Variants in GABRB1 observed in about 807,000 individuals in gnomAD.
GABRB1 encodes the protein gamma-aminobutyric acid receptor subunit beta-1.
Under a neutral mutation model 51.6 loss-of-function variants are expected in GABRB1, and 17 were observed. That is an observed-to-expected ratio of 0.33 (90% CI 0.23 to 0.49). GABRB1 has a LOEUF of 0.49. Among genes scored for constraint, GABRB1 ranks in the 20% least tolerant of loss-of-function variants. The probability of loss-of-function intolerance (pLI) is 0.99; values close to 1 mark genes in which losing one functional copy is unlikely to be tolerated. For synonymous variants in GABRB1, 247 were observed against 218.9 expected (o/e 1.13, Z -1.14); for missense variants, 410 against 600.6 (o/e 0.68, Z 3.32).
intron 5 of GABRB1, among the ~76,000 whole-genome samples, chr4:47,322,634 G>T (rs1188770886): frequency 5.9e-5 from 9 of 152,116 alleles, no homozygotes; most frequent in Admixed American, 5.9e-4. Context: ...CTTCATCATG[G>T]AATCCTGAAT....
intron 5 of GABRB1, among the ~76,000 whole-genome samples, chr4:47,333,253 A>G (rs947894448): frequency 2.8e-5 from 4 of 143,912 alleles, no homozygotes; most frequent in Non-Finnish European, 4.5e-5. Flanking sequence ...ACGTATTAAT[A>G]TGAATGTGAC....
chr4:47,278,620 T>TC (rs1723168028), intron 4 of GABRB1, among the ~76,000 whole-genome samples: 1 of 151,838 alleles, frequency 6.6e-6, no homozygotes, highest in South Asian at 2.1e-4. Flanking sequence ...CCTAGGTTTT[T>TC]GCCTTTTGCC....
chr4:47,370,624 G>T (rs924188586), intron 5 of GABRB1, among the ~76,000 whole-genome samples: 1 of 152,182 alleles, frequency 6.6e-6, no homozygotes, highest in South Asian at 2.1e-4. Context: ...TGGCCTTAGG[G>T]TTTCTGTGTA....
At chr4:47,224,879 T>C (rs1487962490) in intron 4 of GABRB1, among the ~76,000 whole-genome samples, 1 of 152,160 alleles carries the variant, frequency 6.6e-6, no homozygotes, top group Non-Finnish European at 1.5e-5. Context: ...TTGTCTTTTG[T>C]TGCTGTTGCT....
chr4:47,118,414 C>A (rs966463270), intron 3 of GABRB1, among the ~76,000 whole-genome samples: 1 of 152,098 alleles, frequency 6.6e-6, no homozygotes, highest in Non-Finnish European at 1.5e-5. Flanking sequence ...TAAGTGACTT[C>A]ACACCTTTTC....
In GABRB1 at chr4:47,372,570, AC is replaced by A. The variant is rs149710085; in HGVS notation, c.545-30746del. 5.4e-3 allele frequency among the ~76,000 whole-genome samples: 827 copies of A among 152,266 alleles called. 7 individuals carry two copies. The highest frequency in any genetic ancestry group is 0.012 in the African/African-American group (502 of 41,548). On this transcript the variant is annotated intron_variant, in intron 5 of 8. Coordinates refer to ENST00000295454, the MANE Select transcript of GABRB1 (RefSeq NM_000812.4). ...TTAAAATTTCAATCTCTTCCCATCC[AC>A]CACTCCTCCTCACCTTATAGCTGAA...
At chr4:47,301,063 CAGAAACAAAAAA>C (rs1270586798) in intron 4 of GABRB1, among the ~76,000 whole-genome samples, 6 of 151,704 alleles carry the variant, frequency 4.0e-5, no homozygotes, top group Non-Finnish European at 7.4e-5. Context: ...ATAAGCAAAC[CAGAAACAAAAAA>C]AGAAACAAAA....
intron 5 of GABRB1, among the ~76,000 whole-genome samples, chr4:47,320,963 G>A (rs2109963763): frequency 6.6e-6 from 1 of 152,076 alleles, no homozygotes. Flanking sequence ...TAGAGACGAG[G>A]TTTCATCTTG....
At chr4:47,310,314 A>G (rs1274200116) in intron 4 of GABRB1, among the ~76,000 whole-genome samples, 2 of 152,230 alleles carry the variant, frequency 1.3e-5, no homozygotes, top group East Asian at 3.8e-4. Context: ...TAAAATATAT[A>G]CATATATATG....
At chr4:47,123,116 A>C (rs1344202451) in intron 3 of GABRB1, among the ~76,000 whole-genome samples, 10 of 151,808 alleles carry the variant, frequency 6.6e-5, no homozygotes, top group Non-Finnish European at 1.2e-4. Context: ...CCTTTTTGAC[A>C]TCACAAACAT....
At chr4:47,072,635 A>G (rs574532467) in intron 3 of GABRB1, among the ~76,000 whole-genome samples, 8 of 152,302 alleles carry the variant, frequency 5.3e-5, no homozygotes, top group Non-Finnish European at 1.0e-4. Flanking sequence ...TTAAGTTTGC[A>G]TAAGGCAATG....
intron 3 of GABRB1, among the ~76,000 whole-genome samples, chr4:47,099,377 T>G (rs1168747125): frequency 1.3e-5 from 2 of 151,450 alleles, no homozygotes; most frequent in Non-Finnish European, 3.0e-5. Context: ...GTTGGACTTT[T>G]CATTACTCCA....
At chr4:47,074,261 G>A (rs1443277205) in intron 3 of GABRB1, among the ~76,000 whole-genome samples, 3 of 152,170 alleles carry the variant, frequency 2.0e-5, no homozygotes, top group Non-Finnish European at 4.4e-5. Flanking sequence ...AAGAACATAT[G>A]TAATATGCTC....
intron 4 of GABRB1, among the ~76,000 whole-genome samples, chr4:47,312,054 TG>T (rs1724707594): frequency 7.0e-6 from 1 of 142,594 alleles, no homozygotes; most frequent in African/African-American, 2.5e-5. Flanking sequence ...TGTGTGTGTG[TG>T]TGTGTGTGTG....
chr4:47,408,719 T>C (rs1305439736), intron 8 of GABRB1, among the ~76,000 whole-genome samples: 3 of 152,236 alleles, frequency 2.0e-5, no homozygotes, highest in Non-Finnish European at 2.9e-5. Flanking sequence ...CAATGTCTGA[T>C]TGTAACCATA....
At position 47,399,434 on chromosome 4, in the gene GABRB1, A is replaced by G. The variant is rs191859739; in HGVS notation, c.545-3884A>G. On this transcript the variant is annotated intron_variant, in intron 5 of 8. Transcript: ENST00000295454. The stretch of plus-strand genomic sequence containing the variant: ...TTAAATGTCTGTTTGTAGGGATGAA[A>G]TCAAGCTGTTTTGATTTTCTGTGCC... Among the ~76,000 whole-genome samples, 430 of 151,832 alleles carry G rather than the reference A, an allele frequency of 2.8e-3. 2 individuals carry two copies. The highest frequency in any genetic ancestry group is 9.7e-3 in the African/African-American group (400 of 41,122).
chr4:47,124,453 T>G (rs1435955795), intron 3 of GABRB1, among the ~76,000 whole-genome samples: 1 of 152,086 alleles, frequency 6.6e-6, no homozygotes, highest in African/African-American at 2.4e-5. Context: ...CTACACAATT[T>G]AAGAAGAATC....
At chr4:47,103,101 TGAG>T (rs1714792328) in intron 3 of GABRB1, among the ~76,000 whole-genome samples, 1 of 151,880 alleles carries the variant, frequency 6.6e-6, no homozygotes, top group African/African-American at 2.4e-5. Context: ...TGAATAGAGA[TGAG>T]GAGGGAGAAA....
intron 3 of GABRB1, among the ~76,000 whole-genome samples, chr4:47,158,160 G>C (rs570979659): frequency 6.0e-4 from 92 of 152,140 alleles, no homozygotes; most frequent in African/African-American, 2.2e-3. Flanking sequence ...GGTCTAAGCA[G>C]GGATTACCCA....
Sources: allele counts gnomAD v4.1 joint callset (sites outside exome capture counted in the v4.1 genomes callset), GRCh38; gene constraint gnomAD v4.1.1; transcripts MANE v1.5; gene names NCBI Gene and HGNC (gene_info 2026-07-23, HGNC 2026-07-21).